The following GALNTL6 variants were observed in gnomAD, a reference collection of about 807,000 sequenced individuals.
GALNTL6 encodes polypeptide N-acetylgalactosaminyltransferase-like 6.
Under a neutral mutation model 73.7 loss-of-function variants are expected in GALNTL6, and 46 were observed. The observed-to-expected ratio is 0.62, with a 90% CI of 0.49 to 0.80. The LOEUF is 0.80. Ranked by LOEUF, GALNTL6 falls within the 30% of genes least tolerant of loss-of-function variation. The pLI, the probability that GALNTL6 is intolerant of heterozygous loss-of-function variation, is 0.00. For synonymous variants in GALNTL6, 259 were observed against 263.7 expected (o/e 0.98, Z 0.17); for missense variants, 604 against 755.0 (o/e 0.80, Z 2.34).
intron 2 of GALNTL6, among the ~76,000 whole-genome samples, chr4:172,012,295 C>T (rs1165471058): frequency 1.3e-5 from 2 of 152,074 alleles, no homozygotes; most frequent in African/African-American, 4.8e-5. Flanking sequence ...ATCCTGAGAG[C>T]TCCCTTTTCA....
intron 5 of GALNTL6, among the ~76,000 whole-genome samples, chr4:172,576,772 A>T (rs980451918): frequency 2.6e-5 from 4 of 152,206 alleles, no homozygotes; most frequent in Admixed American, 2.6e-4. Context: ...CCTAATAAGG[A>T]AACTATTGTC....
intron 2 of GALNTL6, among the ~76,000 whole-genome samples, chr4:171,924,195 C>CACAG (rs975228768): frequency 2.7e-5 from 4 of 150,128 alleles, no homozygotes; most frequent in Admixed American, 6.6e-5. Context: ...CACACACACA[C>CACAG]ACACACACAC....
intron 5 of GALNTL6, chr4:172,667,068 G>A (rs1731705813): frequency 6.6e-6 from 1 of 152,208 alleles, no homozygotes; most frequent in African/African-American, 2.4e-5. Context: ...TGCGTATGTG[G>A]AGTTCAGGCT....
chr4:172,934,229 C>T (rs993205003), intron 9 of GALNTL6, among the ~76,000 whole-genome samples: 1 of 152,140 alleles, frequency 6.6e-6, no homozygotes, highest in Admixed American at 6.5e-5. Flanking sequence ...AATTAAAGGA[C>T]TTGAAAGAGG....
intron 3 of GALNTL6, 46 bp from the exon 4 acceptor site, chr4:172,311,568 A>G: frequency 6.5e-7 from 1 of 1,527,820 alleles, no homozygotes; most frequent in South Asian, 1.3e-5. Context: ...AGAAGATAAA[A>G]TGGCTTTTAT....
intron 3 of GALNTL6, among the ~76,000 whole-genome samples, chr4:172,270,984 C>T (rs1018206782): frequency 1.2e-4 from 18 of 152,054 alleles, no homozygotes; most frequent in African/African-American, 3.6e-4. Context: ...TATTTCTCTA[C>T]ACTACTAATA....
At chr4:172,302,539 A>T (rs1739971573) in intron 3 of GALNTL6, among the ~76,000 whole-genome samples, 2 of 152,138 alleles carry the variant, frequency 1.3e-5, no homozygotes, top group Non-Finnish European at 2.9e-5. Flanking sequence ...TTTTTTAAGG[A>T]TTTCTCCACC....
At chr4:172,412,245 T>C (rs567764940) in intron 5 of GALNTL6, among the ~76,000 whole-genome samples, 12 of 152,266 alleles carry the variant, frequency 7.9e-5, no homozygotes, top group Admixed American at 7.2e-4. Flanking sequence ...ATTTGCCTTG[T>C]TGACCAGGCT....
At chr4:171,897,389 T>C (rs558244432) in intron 2 of GALNTL6, among the ~76,000 whole-genome samples, 1 of 152,192 alleles carries the variant, frequency 6.6e-6, no homozygotes, top group Admixed American at 6.5e-5. Context: ...GAGAAGACAG[T>C]GGAAAATATT....
chr4:172,393,909 C>T (rs945414507), intron 5 of GALNTL6, among the ~76,000 whole-genome samples: 9 of 152,084 alleles, frequency 5.9e-5, no homozygotes, highest in Non-Finnish European at 1.2e-4. Flanking sequence ...TTCAGTCACT[C>T]ACATTGTAGG....
intron 3 of GALNTL6, among the ~76,000 whole-genome samples, chr4:172,240,260 G>T (rs888749081): frequency 6.6e-6 from 1 of 152,018 alleles, no homozygotes; most frequent in South Asian, 2.1e-4. Context: ...ATCTCACTCT[G>T]TCGCCCAAGC....
intron 5 of GALNTL6, among the ~76,000 whole-genome samples, chr4:172,733,651 G>A (rs1182937785): frequency 6.6e-6 from 1 of 152,140 alleles, no homozygotes; most frequent in African/African-American, 2.4e-5. Flanking sequence ...TTTATAAAGG[G>A]CAGTTCCCCT....
intron 2 of GALNTL6, among the ~76,000 whole-genome samples, chr4:171,818,806 T>TA (rs1056703378): frequency 2.0e-5 from 3 of 151,126 alleles, no homozygotes; most frequent in African/African-American, 4.8e-5. Context: ...TTACCTCCAT[T>TA]AAAAAAAAAT....
At chr4:171,923,563 A>ATTTTT (rs1560842845) in intron 2 of GALNTL6, among the ~76,000 whole-genome samples, 4 of 25,364 alleles carry the variant, frequency 1.6e-4, no homozygotes, top group Admixed American at 5.9e-4. Flanking sequence ...ACTCCCGGCT[A>ATTTTT]ATTTTTTTTT....
intron 5 of GALNTL6, among the ~76,000 whole-genome samples, chr4:172,361,953 C>A (rs1007898926): frequency 2.0e-5 from 3 of 152,110 alleles, no homozygotes; most frequent in Non-Finnish European, 4.4e-5. Context: ...TGGCTTGGTA[C>A]AAAGTAAGCA....
At chr4:172,226,101 T>C (rs1736857259) in intron 2 of GALNTL6, among the ~76,000 whole-genome samples, 1 of 152,222 alleles carries the variant, frequency 6.6e-6, no homozygotes, top group East Asian at 1.9e-4. Flanking sequence ...ATGAAGACTA[T>C]GGTGGTAACC....
At chr4:172,217,457 A>C (rs1736530512) in intron 2 of GALNTL6, among the ~76,000 whole-genome samples, 1 of 152,182 alleles carries the variant, frequency 6.6e-6, no homozygotes, top group South Asian at 2.1e-4. Context: ...GCTAGTCTTC[A>C]ATTTCTTCTA....
At chr4:172,700,220 T>A (rs867246422) in intron 5 of GALNTL6, among the ~76,000 whole-genome samples, 9 of 152,150 alleles carry the variant, frequency 5.9e-5, no homozygotes, top group African/African-American at 1.7e-4. Context: ...GCCTCCCTGT[T>A]TGACTTTATT....
chr4:173,034,425 T>G (rs1461824327), intron 12 of GALNTL6, among the ~76,000 whole-genome samples: 2 of 152,178 alleles, frequency 1.3e-5, no homozygotes, highest in East Asian at 3.9e-4. Context: ...CTCTTGGATA[T>G]CCTCGTCTGG....
Sources: allele counts gnomAD v4.1 joint callset (sites outside exome capture counted in the v4.1 genomes callset), GRCh38; gene constraint gnomAD v4.1.1; transcripts MANE v1.5; gene names NCBI Gene and HGNC (gene_info 2026-07-23, HGNC 2026-07-21).